Variants in COPZ2 observed in about 807,000 individuals in gnomAD.
COPZ2 encodes coatomer subunit zeta-2.
COPZ2 carries 30 observed loss-of-function variants against 33.2 expected under a neutral mutation model. That is an observed-to-expected ratio of 0.90 (90% confidence interval 0.68 to 1.23). The LOEUF is 1.23. Ranked by LOEUF, COPZ2 falls within the 50% of genes most tolerant of loss-of-function variation. COPZ2 has a pLI of 0.00. For missense variants in COPZ2, 263 were observed against 262.4 expected, an observed-to-expected ratio of 1.00 and a Z score of -0.02; for synonymous variants, 89 against 102.6, an observed-to-expected ratio of 0.87 and a Z score of 0.80.
intron 8 of COPZ2, 58 bp from the exon 9 acceptor site, chr17:48,026,533 C>CGTGT (rs2036819734): frequency 7.7e-7 from 1 of 1,306,566 alleles, no homozygotes; most frequent in African/African-American, 1.4e-5. Flanking sequence ...CCTCCATACA[C>CGTGT]AGTCATGGGG....
chr17:48,028,528 C>G lies in COPZ2; in HGVS notation c.547-18G>C, dbSNP rs1320495776. The G allele has an allele frequency of 1.2e-6, 2 of 1,604,792 alleles. No individual in the cohort carries two copies. The highest frequency in any genetic ancestry group is 1.7e-6 in the Non-Finnish European group (2 of 1,175,908). On this transcript the variant is annotated intron_variant, in intron 7 of 8. Coordinates refer to ENST00000621465, the MANE Select transcript of COPZ2 (RefSeq NM_016429.4). The surrounding 1 kb of genome is among the most constrained non-coding windows in gnomAD (Gnocchi z 4.5). ...TCATCTGCCTGTAAGGAAGCAGAGT[C>G]AAGGGGTGGGGTAGGGCCAGCATGA...
chr17:48,030,064 T>A (rs1230418310), intron 6 of COPZ2, among the ~76,000 whole-genome samples: 2 of 150,640 alleles, frequency 1.3e-5, no homozygotes. Flanking sequence ...GGTGGGAGGA[T>A]CACAAGGTGA....
chr17:48,043,608 G>A, the COPZ2 span: 776 of 973,820 alleles, frequency 8.0e-4, 28 homozygotes, highest in East Asian at 0.073. Context: ...TTTCTTCATC[G>A]CCTTTGGCTT....
intron 6 of COPZ2, among the ~76,000 whole-genome samples, chr17:48,030,244 G>A (rs1251902764): frequency 2.0e-5 from 3 of 150,360 alleles, no homozygotes; most frequent in Non-Finnish European, 3.0e-5. Flanking sequence ...CCAAGATCAC[G>A]CCACTGCACT....
intron 3 of COPZ2, 129 bp downstream of exon 3, chr17:48,033,734 G>A: frequency 2.8e-6 from 2 of 712,836 alleles, no homozygotes; most frequent in East Asian, 2.8e-5. Context: ...GGGAAGGAGA[G>A]GACAAAAAGC....
intron 6 of COPZ2, among the ~76,000 whole-genome samples, chr17:48,031,465 A>G (rs1265671703): frequency 2.0e-5 from 3 of 152,028 alleles, no homozygotes; most frequent in African/African-American, 7.2e-5. Context: ...CAAAAAAAAA[A>G]AAAAAAGAAA....
chr17:48,040,966 A>G (rs2037055802), upstream of COPZ2, among the ~76,000 whole-genome samples: 1 of 151,688 alleles, frequency 6.6e-6, no homozygotes. Flanking sequence ...CCTGGCCAAC[A>G]TGGTGAAACC....
chr17:48,035,974 C>T (rs1405456460), intron 2 of COPZ2, among the ~76,000 whole-genome samples: 3 of 151,664 alleles, frequency 2.0e-5, no homozygotes, highest in Non-Finnish European at 2.9e-5. Context: ...AGGCTGGTTT[C>T]GAACTCCTGA....
At chr17:48,033,431 G>T in intron 3 of COPZ2, 129 bp from the exon 4 acceptor site, 1 of 659,268 alleles carries the variant, frequency 1.5e-6, no homozygotes. Flanking sequence ...GGAAAGACCA[G>T]CACTAGGGAC....
chr17:48,043,646 G>T, the COPZ2 span: 1 of 780,874 alleles, frequency 1.3e-6, no homozygotes, highest in Non-Finnish European at 1.6e-6. Flanking sequence ...TAGGGTGGGT[G>T]GAGAGAGGAT....
At chr17:48,034,006 T>TG in intron 2 of COPZ2, 62 bp from the exon 3 acceptor site, 1 of 1,232,614 alleles carries the variant, frequency 8.1e-7, no homozygotes, top group Non-Finnish European at 1.2e-6. Flanking sequence ...CTCCCTAGAT[T>TG]GGGGGGCAGG....
chr17:48,035,345 T>C (rs1444210057), intron 2 of COPZ2, among the ~76,000 whole-genome samples: 2 of 152,174 alleles, frequency 1.3e-5, no homozygotes, highest in Non-Finnish European at 2.9e-5. Flanking sequence ...TAGTGGCCGC[T>C]GCTTATTTGA....
chr17:48,040,478 G>C (rs1380840493), upstream of COPZ2, among the ~76,000 whole-genome samples: 1 of 149,526 alleles, frequency 6.7e-6, no homozygotes, highest in African/African-American at 2.5e-5. Context: ...CCGTCACCAG[G>C]CTGGAGTGCA....
upstream of COPZ2, among the ~76,000 whole-genome samples, chr17:48,039,917 T>C (rs138006415): frequency 7.9e-3 from 1,202 of 151,978 alleles, 6 homozygotes; most frequent in Non-Finnish European, 0.013. Context: ...GTCAGGAGTT[T>C]GAGACCAGCC....
intron 8 of COPZ2, among the ~76,000 whole-genome samples, chr17:48,027,327 A>C (rs1311505216): frequency 6.6e-6 from 1 of 152,194 alleles, no homozygotes; most frequent in Non-Finnish European, 1.5e-5. Flanking sequence ...GTTATTCAGC[A>C]TGTGTTAACT....
intron 6 of COPZ2, among the ~76,000 whole-genome samples, chr17:48,030,310 A>G (rs1327174887): frequency 6.6e-6 from 1 of 151,654 alleles, no homozygotes; most frequent in East Asian, 1.9e-4. Flanking sequence ...ACACACACAC[A>G]CACACACACA....
chr17:48,043,076 T>A, the COPZ2 span, among the ~76,000 whole-genome samples: 2 of 152,210 alleles, frequency 1.3e-5, no homozygotes, highest in African/African-American at 4.8e-5. Context: ...AGCAGCAGAC[T>A]CGGCAGGAGA....
At chr17:48,044,110 G>C in the COPZ2 span, among the ~76,000 whole-genome samples, 851 of 152,330 alleles carry the variant, frequency 5.6e-3, 5 homozygotes, top group African/African-American at 0.019. Context: ...ACTTTGGGAG[G>C]CTGAGGTGGG....
At position 48,033,233 on chromosome 17, in the gene COPZ2, A is replaced by G. The variant is rs2036920892; in HGVS notation, c.338T>C (p.Val113Ala). The change falls in exon 4 of 9, where the codon GTG (valine) becomes GCG (alanine). Residue 113 changes from valine to alanine, a missense_variant. Val to Ala is a moderately conservative substitution (Grantham distance 64). Coordinates refer to ENST00000621465, the MANE Select transcript of COPZ2 (RefSeq NM_016429.4). The part of the protein sequence containing the change: ...KNSIDLFLYV[V>A]GSSYENELML... ...CACCTCATTCTCGTAGGATGAGCCC[A>G]CCACGTATAGGAAGAGGTCAATGCT... The G allele has an allele frequency of 6.2e-7, 1 of 1,612,596 alleles. No homozygotes were observed. Among genetic ancestry groups the G allele is most frequent in the Non-Finnish European group, 8.5e-7 (1 of 1,178,952 alleles).
Sources: allele counts gnomAD v4.1 joint callset (sites outside exome capture counted in the v4.1 genomes callset), GRCh38; gene constraint gnomAD v4.1.1; non-coding constraint Gnocchi (gnomAD v3.1); transcripts MANE v1.5; gene names NCBI Gene and HGNC (gene_info 2026-07-23, HGNC 2026-07-21).